The following MTA3 variants were observed in gnomAD, a reference collection of about 807,000 sequenced individuals.
The protein encoded by MTA3 is metastasis associated 1 family member 3.
MTA3 carries 34 observed loss-of-function variants against 83.5 expected under a neutral mutation model. The observed-to-expected ratio is 0.41, with a 90% confidence interval of 0.31 to 0.54. The LOEUF is 0.54. Among genes scored for constraint, MTA3 ranks in the 20% least tolerant of loss-of-function variants. The probability of loss-of-function intolerance (pLI) is 0.33; values close to 1 mark genes in which losing one functional copy is unlikely to be tolerated. For synonymous variants in MTA3, 303 were observed against 252.7 expected (o/e 1.20, Z -1.89); for missense variants, 761 against 726.4 (o/e 1.05, Z -0.55).
At chr2:42,743,945 T>A (rs973996776) in intron 16 of MTA3, among the ~76,000 whole-genome samples, 2 of 152,118 alleles carry the variant, frequency 1.3e-5, no homozygotes, top group Non-Finnish European at 2.9e-5. Flanking sequence ...ACTGCAGTTT[T>A]AAAAAAAACT....
At chr2:42,551,383 G>A (rs1259129343) in intron 2 of MTA3, among the ~76,000 whole-genome samples, 2 of 151,894 alleles carry the variant, frequency 1.3e-5, no homozygotes, top group African/African-American at 2.4e-5. Context: ...TAGAAATGGG[G>A]TTTCACCACG....
At chr2:42,725,611 C>G (rs1667752666) in intron 16 of MTA3, among the ~76,000 whole-genome samples, 1 of 152,192 alleles carries the variant, frequency 6.6e-6, no homozygotes, top group Non-Finnish European at 1.5e-5. Context: ...CCCAGAAGCT[C>G]AAGGAGGGCC....
intron 4 of MTA3, among the ~76,000 whole-genome samples, chr2:42,611,925 C>T (rs77718333): frequency 1.3e-3 from 195 of 152,296 alleles, no homozygotes; most frequent in African/African-American, 4.5e-3. Flanking sequence ...CCTCAGTCTC[C>T]TGAATGGCTG....
chr2:42,666,599 C>G (rs1393759074), intron 8 of MTA3, among the ~76,000 whole-genome samples: 1 of 152,188 alleles, frequency 6.6e-6, no homozygotes, highest in Admixed American at 6.5e-5. Flanking sequence ...CTTGGCTAAT[C>G]CATCACTTTA....
At chr2:42,701,976 T>C (rs1665612846) in intron 11 of MTA3, among the ~76,000 whole-genome samples, 3 of 149,836 alleles carry the variant, frequency 2.0e-5, no homozygotes, top group East Asian at 2.0e-4. Flanking sequence ...TTTGGGAGGC[T>C]GAGGTGGGCA....
At chr2:42,728,115 G>A (rs1667956023) in intron 16 of MTA3, among the ~76,000 whole-genome samples, 1 of 151,644 alleles carries the variant, frequency 6.6e-6, no homozygotes, top group Non-Finnish European at 1.5e-5. Context: ...CCTACCTTCT[G>A]ATAACCACCA....
intron 16 of MTA3, among the ~76,000 whole-genome samples, chr2:42,729,189 G>A (rs1043568686): frequency 2.1e-5 from 3 of 143,360 alleles, no homozygotes; most frequent in Non-Finnish European, 4.5e-5. Context: ...TACCTTCCGG[G>A]GGGTTCATGC....
At chr2:42,675,927 T>C (rs1691312712) in intron 8 of MTA3, among the ~76,000 whole-genome samples, 1 of 152,252 alleles carries the variant, frequency 6.6e-6, no homozygotes, top group African/African-American at 2.4e-5. Context: ...GCACATAATA[T>C]GATTCTCTGG....
At chr2:42,558,070 A>T (rs1012792030) in intron 2 of MTA3, among the ~76,000 whole-genome samples, 28 of 152,052 alleles carry the variant, frequency 1.8e-4, no homozygotes. Flanking sequence ...CTCTTGCTCC[A>T]GTTTGTCGGT....
At chr2:42,691,117 T>C (rs1055524219) in intron 9 of MTA3, among the ~76,000 whole-genome samples, 1 of 151,888 alleles carries the variant, frequency 6.6e-6, no homozygotes, top group Non-Finnish European at 1.5e-5. Flanking sequence ...CCTCAAGCAA[T>C]CCGCCCGCCT....
In MTA3 at chr2:42,667,398, T is replaced by G. The variant is rs2104395024; in HGVS notation, c.702+7536T>G. ...AACAGAAACCTCATCCCCATTAAAC[T>G]CTAACTCTCCATCCCCTCTGCCCTC... is the stretch of plus-strand genomic sequence containing the variant. On this transcript the variant is annotated intron_variant, in intron 8 of 16. Transcript: ENST00000405094. Among the ~76,000 whole-genome samples, 2 of 152,156 alleles carry G rather than the reference T, an allele frequency of 1.3e-5. 1 individual carries two copies. Among genetic ancestry groups the G allele is most frequent in the Admixed American group, 1.3e-4 (2 of 15,270 alleles).
intron 6 of MTA3, among the ~76,000 whole-genome samples, chr2:42,649,004 C>T (rs1328583573): frequency 1.3e-5 from 2 of 152,106 alleles, no homozygotes; most frequent in African/African-American, 2.4e-5. Context: ...TACATTATAT[C>T]GTTGCGATGA....
intron 6 of MTA3, among the ~76,000 whole-genome samples, chr2:42,655,725 C>A (rs562823779): frequency 6.6e-6 from 1 of 152,152 alleles, no homozygotes; most frequent in Non-Finnish European, 1.5e-5. Flanking sequence ...GCCTCAACCT[C>A]CCGAGTAGCT....
intron 2 of MTA3, among the ~76,000 whole-genome samples, chr2:42,496,806 T>G (rs1431499822): frequency 1.3e-5 from 2 of 152,110 alleles, no homozygotes; most frequent in Non-Finnish European, 2.9e-5. Flanking sequence ...ACCTTCTACC[T>G]CATCTCTTTG....
intron 3 of MTA3, among the ~76,000 whole-genome samples, chr2:42,595,674 A>C (rs1359695493): frequency 6.6e-6 from 1 of 152,222 alleles, no homozygotes; most frequent in South Asian, 2.1e-4. Context: ...CTTGTCCTCT[A>C]CCTTCCCATG....
chr2:42,629,473 T>C (rs1309400327), intron 4 of MTA3, among the ~76,000 whole-genome samples: 3 of 152,112 alleles, frequency 2.0e-5, no homozygotes, highest in Admixed American at 2.0e-4. Context: ...AGTGTAATTG[T>C]GATAGGTTAG....
chr2:42,509,713 G>A (rs1037033510), intron 2 of MTA3, among the ~76,000 whole-genome samples: 9 of 152,032 alleles, frequency 5.9e-5, no homozygotes, highest in African/African-American at 1.7e-4. Flanking sequence ...TGAGGCTGCA[G>A]TGAGCCATGA....
chr2:42,542,242 A>G (rs1035084582), intron 2 of MTA3, among the ~76,000 whole-genome samples: 1 of 152,116 alleles, frequency 6.6e-6, no homozygotes, highest in African/African-American at 2.4e-5. Flanking sequence ...CCCAAATAAT[A>G]CACATGGCCC....
chr2:42,673,547 A>G (rs545659092), intron 8 of MTA3, among the ~76,000 whole-genome samples: 1 of 152,352 alleles, frequency 6.6e-6, no homozygotes, highest in South Asian at 2.1e-4. Flanking sequence ...TGTTGTCATA[A>G]TACTGCATTT....
Sources: allele counts gnomAD v4.1 joint callset (sites outside exome capture counted in the v4.1 genomes callset), GRCh38; gene constraint gnomAD v4.1.1; transcripts MANE v1.5; gene names NCBI Gene and HGNC (gene_info 2026-07-23, HGNC 2026-07-21).